WWOX: variants seen among roughly 807,000 people sequenced by gnomAD.
WWOX encodes WW domain containing oxidoreductase.
WWOX carries 69 observed loss-of-function variants against 46.2 expected under a neutral mutation model. That is an observed-to-expected ratio of 1.49 (90% CI 1.23 to 1.82). The LOEUF (loss-of-function observed/expected upper bound fraction) is 1.82, where lower values mean the gene tolerates loss of function less well. Ranked by LOEUF, WWOX falls within the 40% of genes most tolerant of loss-of-function variation. WWOX has a pLI of 0.00. For missense variants in WWOX, 919 were observed against 542.6 expected (o/e 1.69, Z -6.89); for synonymous variants, 359 against 202.6 (o/e 1.77, Z -6.56).
Position 78,630,164 on chromosome 16 carries a change from G to C in WWOX, c.1056+197412G>C, listed in dbSNP as rs112715543. 3.6e-3 allele frequency among the ~76,000 whole-genome samples: 551 copies of C among 152,280 alleles called. 4 individuals carry two copies. Among genetic ancestry groups the C allele is most frequent in the African/African-American group, 0.013 (532 of 41,544 alleles). Reference sequence around the variant, plus strand: ...TGAATGAATGAATGAATGAATGAATGATGATGGCGTGATGATTGTGTATTC... The same window carrying C: ...TGAATGAATGAATGAATGAATGAATCATGATGGCGTGATGATTGTGTATTC... On this transcript the variant is annotated intron_variant, in intron 8 of 8. Coordinates refer to ENST00000566780, the MANE Select transcript of WWOX (RefSeq NM_016373.4).
chr16:79,160,238 GTA>G (rs1401331636), intron 8 of WWOX, among the ~76,000 whole-genome samples: 1 of 152,172 alleles, frequency 6.6e-6, no homozygotes, highest in Non-Finnish European at 1.5e-5. Context: ...GTGTTTTGAT[GTA>G]TAGACATCCC....
chr16:79,128,348 A>T (rs879157954), intron 8 of WWOX, among the ~76,000 whole-genome samples: 1 of 152,078 alleles, frequency 6.6e-6, no homozygotes, highest in African/African-American at 2.4e-5. Flanking sequence ...TTAAAAAAAA[A>T]ATAGGTCTTA....
chr16:78,914,605 A>C (rs1036863856), intron 8 of WWOX, among the ~76,000 whole-genome samples: 8 of 151,884 alleles, frequency 5.3e-5, no homozygotes, highest in South Asian at 2.1e-4. Context: ...CCAGGCCGGG[A>C]GCAGCGGCTC....
In WWOX at chr16:78,979,923, T is replaced by C. The variant is rs148246091; in HGVS notation, c.1057-231685T>C. On this transcript the variant is annotated intron_variant, in intron 8 of 8. Coordinates refer to ENST00000566780, the MANE Select transcript of WWOX (RefSeq NM_016373.4). The stretch of plus-strand genomic sequence containing the variant: ...GTGGGTGGATCACAAGGTCAGGAGA[T>C]TGAGACCATCCTGGCTAACATGGTG... 4.0e-3 allele frequency among the ~76,000 whole-genome samples: 604 copies of C among 152,248 alleles called. 26 individuals carry two copies. In the South Asian group the frequency reaches 0.098, roughly 25 times the overall value.
intron 8 of WWOX, among the ~76,000 whole-genome samples, chr16:78,714,017 G>A (rs116367522): frequency 1.5e-4 from 23 of 152,084 alleles, no homozygotes. Context: ...CACTGCATTT[G>A]GGGGGAAGGT....
At chr16:78,867,543 G>GT (rs1156735787) in intron 8 of WWOX, among the ~76,000 whole-genome samples, 1 of 151,076 alleles carries the variant, frequency 6.6e-6, no homozygotes, top group African/African-American at 2.4e-5. Context: ...TTGTGTGTGT[G>GT]TTTTTGTTTT....
intron 8 of WWOX, among the ~76,000 whole-genome samples, chr16:78,477,557 A>T (rs1439044585): frequency 6.6e-6 from 1 of 152,166 alleles, no homozygotes; most frequent in Admixed American, 6.5e-5. Context: ...GTGTGATAGG[A>T]TTATGGAAAA....
intron 8 of WWOX, among the ~76,000 whole-genome samples, chr16:79,077,062 A>G (rs2048671042): frequency 6.6e-6 from 1 of 152,136 alleles, no homozygotes; most frequent in Non-Finnish European, 1.5e-5. Flanking sequence ...GTTCCACGTA[A>G]TAATTTGTCC....
intron 8 of WWOX, among the ~76,000 whole-genome samples, chr16:79,020,401 C>T (rs939161842): frequency 1.3e-5 from 2 of 152,110 alleles, no homozygotes; most frequent in African/African-American, 4.8e-5. Context: ...AGCTGTATCA[C>T]CATGAGCGAT....
intron 8 of WWOX, among the ~76,000 whole-genome samples, chr16:79,137,290 A>G (rs1405035523): frequency 2.6e-5 from 4 of 152,234 alleles, no homozygotes. Flanking sequence ...ATGGTATCAC[A>G]TGGAGAACGA....
rs2081170540 is a variant in WWOX, at chr16:78,350,825, T to C, written c.517-36035T>C. ...TTGGGGTATGCTCCTAAGAGTGCAA[T>C]TTCTGGATCACGTGGAACTCCTTGT... On this transcript the variant is annotated intron_variant, in intron 5 of 8. Coordinates refer to ENST00000566780, the MANE Select transcript of WWOX (RefSeq NM_016373.4). Among the ~76,000 whole-genome samples the C allele has an allele frequency of 2.5e-5, 3 of 120,414 alleles. 1 individual carries two copies. The allele number at this position is 120,414 out of a possible 152,430, so 79.0% of individuals were successfully genotyped here.
intron 5 of WWOX, among the ~76,000 whole-genome samples, chr16:78,378,878 C>G (rs1047882254): frequency 4.6e-5 from 7 of 152,142 alleles, no homozygotes; most frequent in Non-Finnish European, 8.8e-5. Flanking sequence ...AAAACAGACA[C>G]AAATAAGAAT....
intron 8 of WWOX, among the ~76,000 whole-genome samples, chr16:78,627,770 G>A (rs931248374): frequency 1.3e-5 from 2 of 152,204 alleles, no homozygotes; most frequent in African/African-American, 4.8e-5. Context: ...AAGTTGACTA[G>A]ACAAAAGGTG....
intron 5 of WWOX, among the ~76,000 whole-genome samples, chr16:78,179,281 T>A (rs1221365708): frequency 6.6e-6 from 1 of 152,200 alleles, no homozygotes; most frequent in African/African-American, 2.4e-5. Context: ...AAAATTGAGG[T>A]ATGAATTAGT....
intron 8 of WWOX, among the ~76,000 whole-genome samples, chr16:78,501,264 TAAATA>T (rs898889914): frequency 1.6e-5 from 2 of 125,948 alleles, no homozygotes; most frequent in Non-Finnish European, 3.3e-5. Flanking sequence ...AAAAAAAAAA[TAAATA>T]AAAGCAGACC....
chr16:79,211,008 G>A (rs1008650623), intron 8 of WWOX, among the ~76,000 whole-genome samples: 2 of 147,326 alleles, frequency 1.4e-5, no homozygotes, highest in Non-Finnish European at 3.0e-5. Flanking sequence ...TTATGTGTTT[G>A]TGCTAAGTAT....
intron 8 of WWOX, among the ~76,000 whole-genome samples, chr16:78,702,998 C>T (rs977960668): frequency 1.3e-5 from 2 of 152,152 alleles, no homozygotes; most frequent in Non-Finnish European, 2.9e-5. Flanking sequence ...TCTCCGCTCC[C>T]TTTCCTAAGA....
At chr16:78,927,290 A>G (rs1361975967) in intron 8 of WWOX, among the ~76,000 whole-genome samples, 1 of 152,208 alleles carries the variant, frequency 6.6e-6, no homozygotes, top group African/African-American at 2.4e-5. Context: ...ACCGGCCTCC[A>G]GCAGAGCCTG....
intron 8 of WWOX, among the ~76,000 whole-genome samples, chr16:78,624,995 T>G (rs1050433726): frequency 6.6e-6 from 1 of 152,162 alleles, no homozygotes; most frequent in African/African-American, 2.4e-5. Context: ...CCGCTGACCC[T>G]GAGTTCTGCC....
Sources: gnomAD v4.1 joint callset for allele counts (sites outside exome capture counted in the v4.1 genomes callset) on GRCh38, gnomAD v4.1.1 for gene constraint, MANE v1.5 for transcripts, NCBI Gene and HGNC (gene_info 2026-07-23, HGNC 2026-07-21) for gene names.